Variants in UBE2E3 observed in about 807,000 individuals in gnomAD.
UBE2E3 encodes ubiquitin conjugating enzyme E2 E3, also known as ubiquitin-conjugating enzyme E2 E3.
UBE2E3 carries 5 observed loss-of-function variants against 23.6 expected under a neutral mutation model. The ratio of observed to expected loss-of-function variants is 0.21; its 90% CI spans 0.11 to 0.44. The LOEUF is 0.44. Ranked by LOEUF, UBE2E3 falls within the 20% of genes least tolerant of loss-of-function variation. UBE2E3 has a pLI of 0.99. For missense variants in UBE2E3, 81 were observed against 249.8 expected (o/e 0.32, Z 4.55); for synonymous variants, 78 against 87.5 (o/e 0.89, Z 0.60).
chr2:181,028,849 G>A (rs925688340), intron 3 of UBE2E3, among the ~76,000 whole-genome samples: 2 of 152,038 alleles, frequency 1.3e-5, no homozygotes, highest in Non-Finnish European at 2.9e-5. Flanking sequence ...TTAGTGAAAA[G>A]AACTGAATTT....
intron 3 of UBE2E3, among the ~76,000 whole-genome samples, chr2:181,014,766 T>A (rs772268068): frequency 6.6e-6 from 1 of 152,248 alleles, no homozygotes; most frequent in Non-Finnish European, 1.5e-5. Context: ...ACATGTGATA[T>A]ATGATACCTT....
intron 3 of UBE2E3, among the ~76,000 whole-genome samples, chr2:181,026,317 A>AT (rs5836765): frequency 6.0e-5 from 9 of 149,986 alleles, no homozygotes; most frequent in East Asian, 2.0e-4. Context: ...TTGTAATCTG[A>AT]TTTTTTTTTT....
chr2:180,999,876 TATA>T (rs1156520883), intron 3 of UBE2E3, among the ~76,000 whole-genome samples: 1 of 151,882 alleles, frequency 6.6e-6, no homozygotes, highest in Non-Finnish European at 1.5e-5. Flanking sequence ...ATATTTTACA[TATA>T]ATGATATAAA....
At chr2:181,008,578 C>G (rs1685221855) in intron 3 of UBE2E3, among the ~76,000 whole-genome samples, 1 of 152,188 alleles carries the variant, frequency 6.6e-6, no homozygotes, top group Non-Finnish European at 1.5e-5. Context: ...TTTCCCTGTT[C>G]CAAGCCATGC....
At chr2:181,015,851 C>A (rs1685469811) in intron 3 of UBE2E3, among the ~76,000 whole-genome samples, 1 of 151,946 alleles carries the variant, frequency 6.6e-6, no homozygotes, top group East Asian at 1.9e-4. Context: ...AAACTTAAGT[C>A]ACTAGTTCAG....
intron 3 of UBE2E3, among the ~76,000 whole-genome samples, chr2:181,007,491 A>C (rs1322566429): frequency 6.9e-6 from 1 of 145,338 alleles, no homozygotes; most frequent in East Asian, 2.0e-4. Context: ...CTGTGAACTA[A>C]GTATAATTGT....
chr2:181,012,307 CTT>C (rs1685353482), intron 3 of UBE2E3, among the ~76,000 whole-genome samples: 1 of 152,060 alleles, frequency 6.6e-6, no homozygotes, highest in African/African-American at 2.4e-5. Context: ...AATATTTTGT[CTT>C]ATGCAGTTGA....
intron 3 of UBE2E3, among the ~76,000 whole-genome samples, chr2:181,026,440 GT>G (rs1222263768): frequency 6.7e-6 from 1 of 149,808 alleles, no homozygotes; most frequent in Non-Finnish European, 1.5e-5. Flanking sequence ...TCTCTATCTT[GT>G]TTGTCTGAAG....
At chr2:181,017,947 G>T (rs1037160862) in intron 3 of UBE2E3, among the ~76,000 whole-genome samples, 2 of 151,184 alleles carry the variant, frequency 1.3e-5, no homozygotes, top group African/African-American at 4.9e-5. Context: ...TCAGTCTTCT[G>T]AGCGTGACTC....
At chr2:181,022,415 GATT>G (rs766498989) in intron 3 of UBE2E3, among the ~76,000 whole-genome samples, 5 of 151,662 alleles carry the variant, frequency 3.3e-5, no homozygotes, top group African/African-American at 9.7e-5. Flanking sequence ...GGAAATAAAA[GATT>G]ATCTTTTTTT....
At chr2:180,992,223 T>A (rs1363007510) in intron 3 of UBE2E3, among the ~76,000 whole-genome samples, 3 of 151,424 alleles carry the variant, frequency 2.0e-5, no homozygotes, top group Non-Finnish European at 4.4e-5. Flanking sequence ...GTTCTTTGTT[T>A]ACTGGGTTGT....
At chr2:181,023,891 A>G (rs988559041) in intron 3 of UBE2E3, among the ~76,000 whole-genome samples, 8 of 152,166 alleles carry the variant, frequency 5.3e-5, no homozygotes, top group African/African-American at 1.9e-4. Context: ...AATGTTAGCT[A>G]TAATCATTAC....
chr2:181,061,322 A>G (rs1219662126), intron 5 of UBE2E3, among the ~76,000 whole-genome samples: 1 of 19,518 alleles, frequency 5.1e-5, no homozygotes, highest in African/African-American at 2.8e-4. Context: ...ACGGGGTTTC[A>G]CCTTGTTAGC....
rs114729096 is a variant in UBE2E3, at chr2:180,997,016, T to A, written c.245+12923T>A. Among the ~76,000 whole-genome samples the A allele has an allele frequency of 6.3e-3, 955 of 152,208 alleles. 14 individuals carry two copies. Among genetic ancestry groups the A allele is most frequent in the African/African-American group, 0.021 (888 of 41,552 alleles). ...AAATATGTGACTCTGTGTATCCCTT[T>A]GATCTTTTTATTATTAATGAATTTT... On this transcript the variant is annotated intron_variant, in intron 3 of 5. Coordinates refer to ENST00000410062, the MANE Select transcript of UBE2E3 (RefSeq NM_006357.4).
intron 3 of UBE2E3, among the ~76,000 whole-genome samples, chr2:180,996,414 C>T (rs892409322): frequency 5.3e-5 from 8 of 152,114 alleles, no homozygotes; most frequent in South Asian, 2.1e-4. Context: ...TAAGGTAGAA[C>T]GCAAACCTTT....
In UBE2E3 at chr2:180,985,284, A is replaced by C. The variant is rs184195134; in HGVS notation, c.245+1191A>C. Reference sequence around the variant, plus strand: ...TTACTTAAGAGCTATGCTGTCCGGTAATGTAGCCACTTGCCACATGTGGCT... The same window carrying C: ...TTACTTAAGAGCTATGCTGTCCGGTCATGTAGCCACTTGCCACATGTGGCT... On this transcript the variant is annotated intron_variant, in intron 3 of 5. Transcript: ENST00000410062. Among the ~76,000 whole-genome samples the C allele has an allele frequency of 2.9e-3, 446 of 152,268 alleles. 1 individual carries two copies. The highest frequency in any genetic ancestry group is 4.6e-3 in the Non-Finnish European group (315 of 67,982).
chr2:181,021,570 T>TC (rs1685685108), intron 3 of UBE2E3, among the ~76,000 whole-genome samples: 1 of 76,252 alleles, frequency 1.3e-5, no homozygotes, highest in Non-Finnish European at 2.5e-5. Flanking sequence ...CTTCCTTCCT[T>TC]CCTCCCTCCC....
At chr2:180,988,446 A>C (rs925880595) in intron 3 of UBE2E3, among the ~76,000 whole-genome samples, 1 of 152,222 alleles carries the variant, frequency 6.6e-6, no homozygotes, top group Non-Finnish European at 1.5e-5. Flanking sequence ...AACATGCATA[A>C]GATTAATGAT....
intron 3 of UBE2E3, chr2:180,987,440 G>A: frequency 3.2e-6 from 5 of 1,543,200 alleles, no homozygotes; most frequent in Middle Eastern, 1.7e-4. Flanking sequence ...CATATAGGAA[G>A]AAGCACAAAT....
Sources: allele counts gnomAD v4.1 joint callset (sites outside exome capture counted in the v4.1 genomes callset), GRCh38; gene constraint gnomAD v4.1.1; transcripts MANE v1.5; gene names NCBI Gene and HGNC (gene_info 2026-07-23, HGNC 2026-07-21).